The following RMDN3 variants were observed in gnomAD, a reference collection of about 807,000 sequenced individuals.
The protein encoded by RMDN3 is regulator of microtubule dynamics 3.
A neutral mutation model predicts 61.8 loss-of-function variants in RMDN3; 41 were observed. That is an observed-to-expected ratio of 0.66 (90% confidence interval 0.52 to 0.86). The LOEUF is 0.86. Ranked by LOEUF, RMDN3 falls within the 40% of genes least tolerant of loss-of-function variation. RMDN3 has a pLI of 0.00. For synonymous variants in RMDN3, 247 were observed against 232.0 expected (o/e 1.06, Z -0.59); for missense variants, 557 against 585.3 (o/e 0.95, Z 0.50).
At chr15:40,745,409 T>TTTA in intron 4 of RMDN3, 150 bp from the exon 5 acceptor site, 2 of 701,818 alleles carry the variant, frequency 2.8e-6, no homozygotes, top group Non-Finnish European at 4.5e-6. Flanking sequence ...GCAGACTTTT[T>TTTA]TTCTTTTTTT....
In RMDN3 at chr15:40,737,966, T is replaced by G; in HGVS notation, c.1124A>C (p.Gln375Pro). Residue 375 changes from glutamine (Q) to proline (P), a missense_variant and splice_region_variant, in exon 9 of 13, where the codon CAG becomes CCG. Physicochemically the swap from Gln to Pro is moderately conservative, Grantham distance 76. Transcript: ENST00000338376. ...AHFLLGRWCY[Q>P]VSHLSWLEKK... The stretch of plus-strand genomic sequence containing the variant: ...GTCAAGCACTGAAACGCAGCTTACC[T>G]GATAGCACCACCTGCCAAGAAGAAA... The G allele has an allele frequency of 6.2e-7, 1 of 1,614,170 alleles. No homozygotes were observed. Among genetic ancestry groups the G allele is most frequent in the Non-Finnish European group, 8.5e-7 (1 of 1,180,000 alleles).
chr15:40,736,526 G>GC lies in RMDN3; in HGVS notation c.*14dup, dbSNP rs1249257430. 6.8e-6 allele frequency: 11 copies of GC among 1,612,876 alleles called. No individual in the cohort carries two copies. Among genetic ancestry groups the GC allele is most frequent in the Non-Finnish European group, 9.3e-6 (11 of 1,179,082 alleles). On this transcript the variant is annotated 3_prime_UTR_variant, in exon 13 of 13. Transcript: ENST00000338376. ...TAAATAGTGGCATCAAGTCATGAAG[G>GC]CCAGTGAAACGTGGTTAGTCTCGTA...
rs71428308 is a variant in RMDN3, at chr15:40,754,127, CTTT to C, written c.187+467_187+469del. 3.9e-3 allele frequency among the ~76,000 whole-genome samples: 488 copies of C among 123,816 alleles called. 1 individual carries two copies. The highest frequency in any genetic ancestry group is 5.5e-3 in the Non-Finnish European group (333 of 60,472). 81.2% of individuals were successfully genotyped at this position (123,816 alleles called of 152,430 possible). ...GAAAGAGTAGAGAAAACCACGACTG[CTTT>C]TTTTTTTTTTTTTTTTTTGAGACAG... On this transcript the variant is annotated intron_variant, in intron 2 of 12. Transcript: ENST00000338376.
chr15:40,740,444 G>C (rs924248983), intron 6 of RMDN3, among the ~76,000 whole-genome samples: 3 of 152,212 alleles, frequency 2.0e-5, no homozygotes, highest in African/African-American at 7.2e-5. Context: ...TCAGGAGTCG[G>C]AGACCAGCCT....
At chr15:40,744,760 G>A (rs1462088294) in intron 5 of RMDN3, among the ~76,000 whole-genome samples, 1 of 152,100 alleles carries the variant, frequency 6.6e-6, no homozygotes, top group Non-Finnish European at 1.5e-5. Flanking sequence ...GGCAGCTCTG[G>A]GGCAAGCAGT....
At chr15:40,746,421 C>G (rs1187692133) in intron 4 of RMDN3, among the ~76,000 whole-genome samples, 6 of 149,738 alleles carry the variant, frequency 4.0e-5, no homozygotes, top group African/African-American at 1.5e-4. Context: ...GAGGCTGAGG[C>G]AGAAGAATGG....
chr15:40,740,840 C>G (rs1223056869), intron 6 of RMDN3, among the ~76,000 whole-genome samples: 3 of 152,174 alleles, frequency 2.0e-5, no homozygotes, highest in Non-Finnish European at 4.4e-5. Context: ...AATCCTAGCA[C>G]TTTGGAAGGC....
chr15:40,742,663 C>A (rs142015109), intron 6 of RMDN3, among the ~76,000 whole-genome samples: 10 of 152,298 alleles, frequency 6.6e-5, no homozygotes, highest in African/African-American at 2.2e-4. Flanking sequence ...GTCATCTGAC[C>A]TCCAGCAGGT....
At chr15:40,741,916 C>T (rs546420385) in intron 6 of RMDN3, among the ~76,000 whole-genome samples, 7 of 152,074 alleles carry the variant, frequency 4.6e-5, no homozygotes, top group East Asian at 3.9e-4. Flanking sequence ...TGCGAACCAC[C>T]GTGCCCAGCC....
intron 7 of RMDN3, chr15:40,739,602 G>A (rs1897201023): frequency 1.3e-5 from 2 of 154,354 alleles, no homozygotes; most frequent in Non-Finnish European, 2.9e-5. Flanking sequence ...ATATGAGTTA[G>A]CCGTGGCCCA....
At chr15:40,752,248 A>G (rs772312931) in intron 2 of RMDN3, 70 bp from the exon 3 acceptor site, 10 of 1,453,814 alleles carry the variant, frequency 6.9e-6, no homozygotes, top group Non-Finnish European at 9.4e-6. Context: ...CACACCCAGA[A>G]TTCAAGAATA....
chr15:40,737,107 G>C lies in RMDN3; in HGVS notation c.1359+17C>G. ...CTTCAGGTGATCTGCCCAACAGGCA[G>C]TATTAAAAAGCCTTACCTCCTTCGT... On this transcript the variant is annotated intron_variant, in intron 12 of 12. Coordinates refer to ENST00000338376, the MANE Select transcript of RMDN3 (RefSeq NM_018145.3). 2 of 1,603,450 alleles carry C rather than the reference G, an allele frequency of 1.2e-6. No individual in the cohort carries two copies. The highest frequency in any genetic ancestry group is 1.7e-6 in the Non-Finnish European group (2 of 1,170,316).
intron 4 of RMDN3, 38 bp from the exon 5 acceptor site, chr15:40,745,297 C>G (rs1240178191): frequency 6.3e-7 from 1 of 1,596,310 alleles, no homozygotes; most frequent in Admixed American, 1.7e-5. Flanking sequence ...GAGGATTATT[C>G]AGCTCAGAGC....
chr15:40,754,778 A>G lies in RMDN3; in HGVS notation c.6T>C (p.Ser2=), dbSNP rs777936615. Residue 2 remains serine (S), a synonymous_variant, in exon 2 of 13, where the codon TCT becomes TCC. Transcript: ENST00000338376. The part of the protein sequence containing the change: M[S]RLGALGGARA... ...GGGCACCACCCAGGGCTCCCAGTCT[A>G]GACATGCTGCACCTGCGGCCAGCAG... 2 of 1,538,378 alleles carry G rather than the reference A, an allele frequency of 1.3e-6. No individual in the cohort carries two copies. The highest frequency in any genetic ancestry group is 1.8e-6 in the Non-Finnish European group (2 of 1,131,162).
Position 40,746,344 on chromosome 15 carries a change from T to C in RMDN3, c.525-1085A>G, listed in dbSNP as rs192645973. On this transcript the variant is annotated intron_variant, in intron 4 of 12. Coordinates refer to ENST00000338376, the MANE Select transcript of RMDN3 (RefSeq NM_018145.3). ...TCCTGGCTAACACGGTGAAACCCTG[T>C]CTCTACTAAAAAATACAAAAAATTA... Among the ~76,000 whole-genome samples the C allele has an allele frequency of 6.5e-3, 988 of 151,716 alleles. 8 individuals are homozygous for C. The highest frequency in any genetic ancestry group is 0.022 in the African/African-American group (920 of 41,298).
rs781612711 is a variant in RMDN3, at chr15:40,737,718, G to T, written c.1134C>A (p.His378Gln). ...CAGTTTTTTTTTCTAGCCAGCTCAG[G>T]TGAGAGACCTGCCACAAAAAGATCA... Reference protein sequence around the residue: ...LLGRWCYQVSHLSWLEKKTAT... With the variant: ...LLGRWCYQVSQLSWLEKKTAT... The change falls in exon 10 of 13, where the codon CAC becomes CAA. Residue 378 changes from histidine (H) to glutamine (Q), a missense_variant. By Grantham distance (24) the His-to-Gln change is conservative (BLOSUM62 0). Coordinates refer to ENST00000338376, the MANE Select transcript of RMDN3 (RefSeq NM_018145.3). 5 of 1,614,014 alleles carry T rather than the reference G, an allele frequency of 3.1e-6. No individual in the cohort carries two copies. Among genetic ancestry groups the T allele is most frequent in the Non-Finnish European group, 4.2e-6 (5 of 1,179,976 alleles).
At position 40,737,303 on chromosome 15, in the gene RMDN3, C is replaced by G. The variant is rs1332029790; in HGVS notation, c.1263G>C (p.Arg421Ser). The G allele has an allele frequency of 1.9e-6, 3 of 1,613,822 alleles. No individual in the cohort carries two copies. The highest frequency in any genetic ancestry group is 4.5e-5 in the East Asian group (2 of 44,886). The change falls in exon 11 of 13, where the codon AGG (arginine) becomes AGC (serine). Residue 421 changes from arginine (R) to serine (S), a missense_variant. Arg to Ser is a moderately radical substitution (Grantham distance 110). Coordinates refer to ENST00000338376, the MANE Select transcript of RMDN3 (RefSeq NM_018145.3). ...ELQPGFSKAG[R>S]VYISKCYREL... ...ATGAGTTTACCTTGGAAATATATAC[C>G]CTTCCTGCTTTGGAAAATCCTGGCT...
At chr15:40,741,845 T>C (rs1417793169) in intron 6 of RMDN3, among the ~76,000 whole-genome samples, 1 of 151,892 alleles carries the variant, frequency 6.6e-6, no homozygotes, top group Non-Finnish European at 1.5e-5. Flanking sequence ...CAGGCTGGTC[T>C]CAAACTCCTG....
intron 12 of RMDN3, among the ~76,000 whole-genome samples, chr15:40,736,917 G>A (rs371476834): frequency 7.2e-5 from 11 of 152,088 alleles, no homozygotes; most frequent in Non-Finnish European, 1.3e-4. Flanking sequence ...GCAATGGCAC[G>A]ATCTGAGCTC....
Sources: allele counts gnomAD v4.1 joint callset (sites outside exome capture counted in the v4.1 genomes callset), GRCh38; gene constraint gnomAD v4.1.1; transcripts MANE v1.5; gene names NCBI Gene and HGNC (gene_info 2026-07-23, HGNC 2026-07-21).